Variants in CDH13 observed in about 807,000 individuals in gnomAD.
The protein encoded by CDH13 is cadherin 13, also known as cadherin-13.
A neutral mutation model predicts 63.8 loss-of-function variants in CDH13; 24 were observed. The observed-to-expected ratio is 0.38, with a 90% confidence interval of 0.27 to 0.53. The LOEUF (loss-of-function observed/expected upper bound fraction) is 0.53. Among genes scored for constraint, CDH13 ranks in the 20% least tolerant of loss-of-function variants. The probability of loss-of-function intolerance (pLI) is 0.85; values close to 1 mark genes in which losing one functional copy is unlikely to be tolerated. For missense variants in CDH13, 1,049 were observed against 903.1 expected (o/e 1.16, Z -2.07); for synonymous variants, 503 against 355.3 (o/e 1.42, Z -4.67).
rs546920374 is a variant in CDH13, at chr16:82,705,207, T to G, written c.45+78070T>G. The G allele has an allele frequency of 1.3e-5, 6 of 455,540 alleles. No homozygotes were observed. In the East Asian group the frequency reaches 4.2e-4, roughly 32 times the overall value. The allele number at this position is 455,540 out of a possible 1,614,324, so 28.2% of individuals were successfully genotyped here. On this transcript the variant is annotated intron_variant, in intron 1 of 13. Coordinates refer to ENST00000567109, the MANE Select transcript of CDH13 (RefSeq NM_001257.5). ...CCAGGACTATTATTTCATGATGAGC[T>G]TTCAGGTATATAGCACATGAGAGGG...
chr16:83,492,553 T>C (rs2074038830), intron 7 of CDH13, among the ~76,000 whole-genome samples: 1 of 152,186 alleles, frequency 6.6e-6, no homozygotes, highest in Non-Finnish European at 1.5e-5. Context: ...TGTAAATAAA[T>C]TGCCTTATTA....
At chr16:83,193,003 T>C (rs570389134) in intron 4 of CDH13, among the ~76,000 whole-genome samples, 1 of 152,228 alleles carries the variant, frequency 6.6e-6, no homozygotes, top group Admixed American at 6.5e-5. Flanking sequence ...TTGGCAAAGA[T>C]GGAGGCTGCC....
chr16:82,811,330 A>G (rs1232742659), intron 1 of CDH13, among the ~76,000 whole-genome samples: 2 of 152,218 alleles, frequency 1.3e-5, no homozygotes, highest in Admixed American at 1.3e-4. Flanking sequence ...ATTGACCATC[A>G]TAGCACTGTG....
At chr16:83,257,225 A>G (rs1387592228) in intron 5 of CDH13, among the ~76,000 whole-genome samples, 5 of 151,714 alleles carry the variant, frequency 3.3e-5, no homozygotes, top group Non-Finnish European at 7.3e-5. Flanking sequence ...ACAAAGAGAC[A>G]GAATATACAC....
At chr16:83,424,782 C>G (rs2071837089) in intron 6 of CDH13, among the ~76,000 whole-genome samples, 1 of 152,188 alleles carries the variant, frequency 6.6e-6, no homozygotes, top group South Asian at 2.1e-4. Flanking sequence ...GATGAAGCCA[C>G]TGTATCAGTC....
chr16:82,782,629 A>T (rs1293831807), intron 1 of CDH13, among the ~76,000 whole-genome samples: 1 of 152,190 alleles, frequency 6.6e-6, no homozygotes, highest in Non-Finnish European at 1.5e-5. Context: ...ACCTTAGGAG[A>T]CAGATCAAAA....
At chr16:83,340,540 T>G (rs748351661) in intron 5 of CDH13, among the ~76,000 whole-genome samples, 8 of 152,176 alleles carry the variant, frequency 5.3e-5, no homozygotes, top group Non-Finnish European at 1.0e-4. Context: ...GATTTCCATC[T>G]CCAACCCCTG....
intron 2 of CDH13, among the ~76,000 whole-genome samples, chr16:82,984,794 A>C (rs548571640): frequency 6.6e-6 from 1 of 152,308 alleles, no homozygotes; most frequent in African/African-American, 2.4e-5. Context: ...TGCTTTATAC[A>C]CACATACTAT....
chr16:83,561,590 C>G (rs4500715), intron 7 of CDH13, among the ~76,000 whole-genome samples: 15,421 of 152,176 alleles, frequency 0.1, 1,076 homozygotes, highest in African/African-American at 0.18. Flanking sequence ...GCTATCAGCA[C>G]TGGTCTAAGC....
chr16:83,308,453 A>G (rs986242373), intron 5 of CDH13, among the ~76,000 whole-genome samples: 2 of 152,270 alleles, frequency 1.3e-5, no homozygotes, highest in Non-Finnish European at 2.9e-5. Context: ...GATCTCCTAC[A>G]TGAATTCCTT....
intron 7 of CDH13, among the ~76,000 whole-genome samples, chr16:83,504,516 T>C (rs1357927013): frequency 1.3e-5 from 2 of 152,192 alleles, no homozygotes; most frequent in African/African-American, 4.8e-5. Flanking sequence ...GCTGACAACT[T>C]CTTCTGCTGT....
chr16:82,782,046 T>G (rs2035778628), intron 1 of CDH13, among the ~76,000 whole-genome samples: 1 of 152,212 alleles, frequency 6.6e-6, no homozygotes, highest in African/African-American at 2.4e-5. Context: ...AGCAGGAAAT[T>G]AAGTAGCTGA....
At chr16:82,956,525 A>T (rs560644651) in intron 2 of CDH13, among the ~76,000 whole-genome samples, 2 of 151,962 alleles carry the variant, frequency 1.3e-5, no homozygotes, top group Non-Finnish European at 2.9e-5. Flanking sequence ...GATTATTTTC[A>T]AGCTCAGGTA....
intron 5 of CDH13, among the ~76,000 whole-genome samples, chr16:83,231,271 G>A (rs2039992263): frequency 1.3e-5 from 2 of 152,200 alleles, no homozygotes; most frequent in South Asian, 4.1e-4. Flanking sequence ...CTGGGGTGAT[G>A]GAGAGTTGCC....
intron 2 of CDH13, among the ~76,000 whole-genome samples, chr16:82,988,729 T>G (rs1226104535): frequency 6.9e-6 from 1 of 144,772 alleles, no homozygotes; most frequent in Admixed American, 7.1e-5. Flanking sequence ...ACCACTGCAC[T>G]CCAGCCTGGG....
intron 2 of CDH13, among the ~76,000 whole-genome samples, chr16:82,894,592 A>G (rs1190445037): frequency 6.6e-6 from 1 of 152,234 alleles, no homozygotes; most frequent in Non-Finnish European, 1.5e-5. Context: ...CAGTGAGCCA[A>G]GATTGTGCCA....
Position 82,712,606 on chromosome 16 carries a change from C to T in CDH13, c.45+85469C>T, listed in dbSNP as rs535678977. 7.2e-4 allele frequency among the ~76,000 whole-genome samples: 110 copies of T among 152,304 alleles called. 1 individual carries two copies. The highest frequency in any genetic ancestry group is 2.5e-3 in the African/African-American group (103 of 41,562). On this transcript the variant is annotated intron_variant, in intron 1 of 13. Transcript: ENST00000567109. ...TTCTCACATGGATGTCTACAAAATG[C>T]AGCAGTAAAGTGTTCCATAATCCAC...
intron 10 of CDH13, among the ~76,000 whole-genome samples, chr16:83,711,957 G>T (rs1598549011): frequency 6.6e-6 from 1 of 152,226 alleles, no homozygotes; most frequent in Admixed American, 6.5e-5. Flanking sequence ...AGATCAAGGT[G>T]TTGGCAGAGT....
intron 2 of CDH13, among the ~76,000 whole-genome samples, chr16:82,961,609 G>A (rs1452129574): frequency 5.4e-5 from 8 of 147,858 alleles, no homozygotes; most frequent in Non-Finnish European, 1.2e-4. Context: ...ACTGGTACTT[G>A]GGCCTTACCC....
Sources: allele counts gnomAD v4.1 joint callset (sites outside exome capture counted in the v4.1 genomes callset), GRCh38; gene constraint gnomAD v4.1.1; transcripts MANE v1.5; gene names NCBI Gene and HGNC (gene_info 2026-07-23, HGNC 2026-07-21).